SEMA6D: variants seen among roughly 807,000 people sequenced by gnomAD.
SEMA6D encodes the protein semaphorin 6D.
In SEMA6D, 35 loss-of-function variants were observed where a neutral mutation model predicts 106.6. The ratio of observed to expected loss-of-function variants is 0.33; its 90% CI spans 0.25 to 0.44. The LOEUF (loss-of-function observed/expected upper bound fraction) is 0.44. Ranked by LOEUF, SEMA6D falls within the 20% of genes least tolerant of loss-of-function variation. The pLI is 1.00. For synonymous variants in SEMA6D, 499 were observed against 487.7 expected (o/e 1.02, Z -0.31); for missense variants, 1,185 against 1,345.9 (o/e 0.88, Z 1.87).
At chr15:47,686,550 G>T (rs564027671) in intron 4 of SEMA6D, among the ~76,000 whole-genome samples, 15 of 152,268 alleles carry the variant, frequency 9.9e-5, no homozygotes, top group Non-Finnish European at 2.2e-4. Flanking sequence ...ATAAACAAAA[G>T]ATAGCACACA....
chr15:47,628,134 A>G (rs572122841), intron 4 of SEMA6D, among the ~76,000 whole-genome samples: 2 of 152,076 alleles, frequency 1.3e-5, no homozygotes, highest in African/African-American at 4.8e-5. Context: ...TTAACCATTC[A>G]CCCACTGAAA....
chr15:47,222,755 C>T (rs1202961283), intron 1 of SEMA6D, among the ~76,000 whole-genome samples: 1 of 152,150 alleles, frequency 6.6e-6, no homozygotes, highest in African/African-American at 2.4e-5. Context: ...CTGGAGATGA[C>T]CGCAATTGTG....
chr15:47,531,711 ATGC>A (rs1252074341), intron 3 of SEMA6D, among the ~76,000 whole-genome samples: 13 of 152,160 alleles, frequency 8.5e-5, no homozygotes, highest in African/African-American at 3.1e-4. Flanking sequence ...TCAGGACACA[ATGC>A]TTTATTGGGA....
At chr15:47,502,989 T>C (rs1283614983) in intron 3 of SEMA6D, among the ~76,000 whole-genome samples, 1 of 152,270 alleles carries the variant, frequency 6.6e-6, no homozygotes, top group Non-Finnish European at 1.5e-5. Flanking sequence ...ACACTTGATA[T>C]GAAATATCAG....
At chr15:47,678,735 G>A (rs1385306700) in intron 4 of SEMA6D, among the ~76,000 whole-genome samples, 1 of 151,250 alleles carries the variant, frequency 6.6e-6, no homozygotes, top group Non-Finnish European at 1.5e-5. Flanking sequence ...CTTTCTATGT[G>A]TTGGGCTCTG....
intron 1 of SEMA6D, among the ~76,000 whole-genome samples, chr15:47,290,191 G>A (rs2035538805): frequency 6.6e-6 from 1 of 152,194 alleles, no homozygotes; most frequent in Admixed American, 6.5e-5. Flanking sequence ...TCGCTGTGAA[G>A]CTTTCAACGA....
chr15:47,361,924 C>T (rs1257116368), intron 1 of SEMA6D, among the ~76,000 whole-genome samples: 1 of 152,194 alleles, frequency 6.6e-6, no homozygotes, highest in African/African-American at 2.4e-5. Context: ...ATTATCCTTG[C>T]AACACTCTCT....
At chr15:47,509,629 C>G (rs1412073302) in intron 3 of SEMA6D, among the ~76,000 whole-genome samples, 1 of 152,220 alleles carries the variant, frequency 6.6e-6, no homozygotes, top group African/African-American at 2.4e-5. Context: ...TTTCATATCT[C>G]TACACCTTCA....
chr15:47,587,269 C>A (rs1211101059), intron 3 of SEMA6D, among the ~76,000 whole-genome samples: 5 of 152,104 alleles, frequency 3.3e-5, no homozygotes, highest in Admixed American at 6.5e-5. Flanking sequence ...TCAAAGTGGT[C>A]CCATCACCTC....
At chr15:47,720,155 T>C (rs566273749) in intron 1 of SEMA6D, among the ~76,000 whole-genome samples, 11 of 152,324 alleles carry the variant, frequency 7.2e-5, no homozygotes, top group African/African-American at 2.6e-4. Flanking sequence ...TTTCTTTCAT[T>C]GGCACATTTT....
At position 47,764,181 on chromosome 15, in the gene SEMA6D, G is replaced by T; in HGVS notation, c.973G>T (p.Gly325Cys). ...VFTTQLNSIPGSAVCAFSMDD... is the reference protein window; with the variant it reads ...VFTTQLNSIPCSAVCAFSMDD... ...GATTTTCTTCCTTTTCAGCATCCCT[G>T]GTTCTGCTGTCTGTGCATTTAGCAT... Residue 325 changes from glycine (G) to cysteine (C), a missense_variant, in exon 11 of 19, where the codon GGT (glycine) becomes TGT (cysteine). Coordinates refer to ENST00000536845, the MANE Select transcript of SEMA6D (RefSeq NM_001358351.3). 6.2e-7 allele frequency: 1 copy of T among 1,613,396 alleles called. No homozygotes were observed. The highest frequency in any genetic ancestry group is 8.5e-7 in the Non-Finnish European group (1 of 1,179,694).
intron 1 of SEMA6D, among the ~76,000 whole-genome samples, chr15:47,268,946 C>T (rs2034440662): frequency 6.6e-6 from 1 of 151,984 alleles, no homozygotes; most frequent in African/African-American, 2.4e-5. Flanking sequence ...CTTAGTTTTA[C>T]TATTAATCTA....
chr15:47,189,303 T>C (rs894210333), intron 1 of SEMA6D, among the ~76,000 whole-genome samples: 3 of 152,142 alleles, frequency 2.0e-5, no homozygotes, highest in Non-Finnish European at 4.4e-5. Context: ...CTTTTGAAAT[T>C]TCTATGTAAA....
At chr15:47,537,452 T>C (rs1187251694) in intron 3 of SEMA6D, among the ~76,000 whole-genome samples, 3 of 152,180 alleles carry the variant, frequency 2.0e-5, no homozygotes, top group Non-Finnish European at 4.4e-5. Context: ...GGCACTTAGG[T>C]TGAAGCATTA....
chr15:47,363,874 G>A (rs2038908486), intron 1 of SEMA6D, among the ~76,000 whole-genome samples: 1 of 152,156 alleles, frequency 6.6e-6, no homozygotes, highest in South Asian at 2.1e-4. Flanking sequence ...AGGCGAAGGG[G>A]AAGCAGGCAC....
chr15:47,400,003 G>A (rs1423292191), intron 1 of SEMA6D, among the ~76,000 whole-genome samples: 1 of 152,196 alleles, frequency 6.6e-6, no homozygotes, highest in East Asian at 1.9e-4. Context: ...GTCATACACT[G>A]AGTTGTGTTT....
chr15:47,524,226 C>G (rs1298121765), intron 3 of SEMA6D, among the ~76,000 whole-genome samples: 1 of 152,132 alleles, frequency 6.6e-6, no homozygotes, highest in Non-Finnish European at 1.5e-5. Context: ...ATGGATGGAA[C>G]TGCCTAAAGG....
intron 1 of SEMA6D, among the ~76,000 whole-genome samples, chr15:47,197,175 T>G (rs1894418048): frequency 6.6e-6 from 1 of 152,188 alleles, no homozygotes; most frequent in African/African-American, 2.4e-5. Context: ...ACAGTTGTTC[T>G]TCCCTAACCT....
intron 1 of SEMA6D, chr15:47,393,496 GA>G (rs1017112834): frequency 3.3e-5 from 5 of 152,214 alleles, no homozygotes; most frequent in African/African-American, 1.2e-4. Context: ...CTGTTGGGGT[GA>G]CAGCAACGTA....
Sources: gnomAD v4.1 joint callset for allele counts (sites outside exome capture counted in the v4.1 genomes callset) on GRCh38, gnomAD v4.1.1 for gene constraint, MANE v1.5 for transcripts, NCBI Gene and HGNC (gene_info 2026-07-23, HGNC 2026-07-21) for gene names.